Variants in DLGAP2 observed in about 807,000 individuals in gnomAD.
DLGAP2 encodes DLG associated protein 2.
Under a neutral mutation model 100.3 loss-of-function variants are expected in DLGAP2, and 26 were observed. The ratio of observed to expected loss-of-function variants is 0.26; its 90% confidence interval spans 0.19 to 0.36. The LOEUF is 0.36. Ranked by LOEUF, DLGAP2 falls within the 10% of genes least tolerant of loss-of-function variation. DLGAP2 has a pLI of 1.00. For synonymous variants in DLGAP2, 886 were observed against 630.1 expected (o/e 1.41, Z -6.08); for missense variants, 1,858 against 1,453.2 (o/e 1.28, Z -4.53).
Position 1,626,660 on chromosome 8 carries a change from G to T in DLGAP2, c.1443-80G>T, listed in dbSNP as rs564186016. The T allele has an allele frequency of 1.0e-5, 16 of 1,525,372 alleles. No homozygotes were observed. In the East Asian group the frequency reaches 2.5e-4, roughly 23 times the overall value. 94.5% of individuals were successfully genotyped at this position (1,525,372 alleles called of 1,614,324 possible). The stretch of plus-strand genomic sequence containing the variant: ...TGTGGTGGGTGCTCAGCCTCTGGGT[G>T]TGGGTTGGATGGTCATTCCCACCTC... On this transcript the variant is annotated intron_variant, in intron 6 of 14. Coordinates refer to ENST00000637795, the MANE Select transcript of DLGAP2 (RefSeq NM_001346810.2).
At chr8:1,631,492 C>G (rs1797644515) in intron 7 of DLGAP2, among the ~76,000 whole-genome samples, 1 of 152,184 alleles carries the variant, frequency 6.6e-6, no homozygotes, top group Admixed American at 6.5e-5. Flanking sequence ...TGTTTCCAAG[C>G]CAGTGTGCAT....
At chr8:1,578,370 T>C (rs1421067054) in intron 6 of DLGAP2, among the ~76,000 whole-genome samples, 3 of 152,180 alleles carry the variant, frequency 2.0e-5, no homozygotes, top group Non-Finnish European at 4.4e-5. Flanking sequence ...ACCCCGGAAG[T>C]TATCGGGCAC....
chr8:1,595,962 G>A (rs1389611979), intron 6 of DLGAP2, among the ~76,000 whole-genome samples: 2 of 151,950 alleles, frequency 1.3e-5, no homozygotes, highest in Non-Finnish European at 2.9e-5. Context: ...ATGTTGGTGT[G>A]CTGTACCCAT....
chr8:1,439,366 G>T (rs1025537000), intron 3 of DLGAP2, among the ~76,000 whole-genome samples: 1 of 152,188 alleles, frequency 6.6e-6, no homozygotes, highest in African/African-American at 2.4e-5. Context: ...TGACAGCACA[G>T]TCATTGCCAC....
intron 2 of DLGAP2, among the ~76,000 whole-genome samples, chr8:1,127,992 A>C (rs2129048635): frequency 6.6e-6 from 1 of 152,376 alleles, no homozygotes; most frequent in South Asian, 2.1e-4. Context: ...AAACAAAGTA[A>C]ACCAGGCTTT....
intron 3 of DLGAP2, among the ~76,000 whole-genome samples, chr8:1,370,460 G>A (rs1194573219): frequency 1.3e-5 from 2 of 152,176 alleles, no homozygotes; most frequent in African/African-American, 4.8e-5. Flanking sequence ...CTTAAAATAG[G>A]TTGGGGCATT....
chr8:793,675 G>A (rs1795966702), intron 1 of DLGAP2, among the ~76,000 whole-genome samples: 1 of 152,130 alleles, frequency 6.6e-6, no homozygotes, highest in Admixed American at 6.5e-5. Flanking sequence ...TGCATTTTGT[G>A]CAATTTCCTT....
At chr8:964,958 C>T (rs1322276681) in intron 2 of DLGAP2, among the ~76,000 whole-genome samples, 1 of 152,178 alleles carries the variant, frequency 6.6e-6, no homozygotes, top group African/African-American at 2.4e-5. Context: ...CACACGGCTC[C>T]TGAGCCCAAC....
intron 1 of DLGAP2, among the ~76,000 whole-genome samples, chr8:903,835 A>G (rs1319653967): frequency 2.6e-5 from 4 of 152,232 alleles, no homozygotes; most frequent in Admixed American, 6.5e-5. Flanking sequence ...CACCTGACTT[A>G]CGGTGCTCGT....
Position 1,701,294 on chromosome 8 carries a change from C to A in DLGAP2, c.3056C>A (p.Ala1019Asp). Residue 1019 changes from alanine to aspartate, a missense_variant, in exon 15 of 15, where the codon GCC (alanine) becomes GAC (aspartate). By Grantham distance (126) the Ala-to-Asp change is moderately radical. Transcript: ENST00000637795. ...CTGCCCGACAGACAACGCCAGGAAG[C>A]CCGGAGGCGCCTCATGGCCGCCAAG... ...LDLPDRQRQE[A>D]RRRLMAAKRA... The A allele has an allele frequency of 1.3e-6, 2 of 1,584,156 alleles. No homozygotes were observed. The highest frequency in any genetic ancestry group is 1.7e-6 in the Non-Finnish European group (2 of 1,165,958).
At chr8:1,561,164 A>G (rs1230510245) in intron 5 of DLGAP2, among the ~76,000 whole-genome samples, 4 of 152,172 alleles carry the variant, frequency 2.6e-5, no homozygotes, top group Non-Finnish European at 4.4e-5. Flanking sequence ...CATGTAAGAC[A>G]TGACTTTGCT....
At chr8:1,357,188 A>C (rs936023606) in intron 3 of DLGAP2, among the ~76,000 whole-genome samples, 1 of 152,062 alleles carries the variant, frequency 6.6e-6, no homozygotes, top group African/African-American at 2.4e-5. Context: ...TGGGGATCTC[A>C]GTCGCAAGGG....
At chr8:1,605,854 T>C (rs1414948411) in intron 6 of DLGAP2, among the ~76,000 whole-genome samples, 1 of 152,228 alleles carries the variant, frequency 6.6e-6, no homozygotes, top group Non-Finnish European at 1.5e-5. Flanking sequence ...ATGTTTAAAA[T>C]ATGCCACAAA....
At chr8:1,508,921 T>C (rs919899942) in intron 4 of DLGAP2, among the ~76,000 whole-genome samples, 8 of 152,150 alleles carry the variant, frequency 5.3e-5, no homozygotes, top group Non-Finnish European at 1.0e-4. Context: ...TTTTCTGTTC[T>C]GCAGTTCTTT....
rs1799572805 is a variant in DLGAP2, at chr8:1,701,570, T to G, written c.*164T>G. The G allele has an allele frequency of 7.0e-6, 5 of 718,012 alleles. No individual in the cohort carries two copies. The highest frequency in any genetic ancestry group is 8.9e-6 in the Non-Finnish European group (4 of 450,268). 44.5% of individuals were successfully genotyped at this position (718,012 alleles called of 1,614,324 possible). A position where few individuals can be genotyped will look rare whatever the true frequency, so the allele number is the denominator to read the frequency against. On this transcript the variant is annotated 3_prime_UTR_variant, in exon 15 of 15. Transcript: ENST00000637795. Reference sequence around the variant, plus strand: ...CGGGACGCGGCCGGCGGCCTCAGAGTCCACGGAGCTCGCGGCGAGGACGAC... The same window carrying G: ...CGGGACGCGGCCGGCGGCCTCAGAGGCCACGGAGCTCGCGGCGAGGACGAC...
chr8:1,495,684 C>T (rs1352989336), intron 3 of DLGAP2, among the ~76,000 whole-genome samples: 15 of 151,948 alleles, frequency 9.9e-5, no homozygotes, highest in Non-Finnish European at 1.8e-4. Context: ...CTTTGCCTCG[C>T]AGGATGCAGA....
intron 1 of DLGAP2, among the ~76,000 whole-genome samples, chr8:898,408 C>G (rs1408862939): frequency 6.6e-6 from 1 of 152,194 alleles, no homozygotes; most frequent in Non-Finnish European, 1.5e-5. Context: ...CGGTCATTGG[C>G]CGGGGCAGCG....
chr8:1,483,365 A>G (rs1049682213), intron 3 of DLGAP2, among the ~76,000 whole-genome samples: 9 of 152,180 alleles, frequency 5.9e-5, no homozygotes, highest in African/African-American at 1.7e-4. Context: ...GTGTGTTTCC[A>G]GAGTCTCCAG....
intron 3 of DLGAP2, among the ~76,000 whole-genome samples, chr8:1,419,244 T>G (rs911236934): frequency 6.6e-6 from 1 of 150,442 alleles, no homozygotes. Flanking sequence ...AGGTTTTGTT[T>G]TCCTTTTATA....
Sources: allele counts gnomAD v4.1 joint callset (sites outside exome capture counted in the v4.1 genomes callset), GRCh38; gene constraint gnomAD v4.1.1; transcripts MANE v1.5; gene names NCBI Gene and HGNC (gene_info 2026-07-23, HGNC 2026-07-21).